The following MSANTD3 variants were observed in gnomAD, a reference collection of about 807,000 sequenced individuals.
The protein encoded by MSANTD3 is myb/SANT-like DNA-binding domain-containing protein 3.
MSANTD3 carries 11 observed loss-of-function variants against 27.7 expected under a neutral mutation model. The observed-to-expected ratio is 0.40, with a 90% CI of 0.25 to 0.66. The LOEUF is 0.66. Ranked by LOEUF, MSANTD3 falls within the 30% of genes least tolerant of loss-of-function variation. The pLI, the probability that MSANTD3 is intolerant of heterozygous loss-of-function variation, is 0.41. For synonymous variants in MSANTD3, 131 were observed against 127.2 expected (o/e 1.03, Z -0.20); for missense variants, 250 against 336.5 (o/e 0.74, Z 2.01).
chr9:100,440,589 A>AT (rs1836589689), intron 1 of MSANTD3, among the ~76,000 whole-genome samples: 1 of 139,980 alleles, frequency 7.1e-6, no homozygotes. Context: ...GAAAACGTCA[A>AT]ATTTTTTTTT....
At chr9:100,429,452 A>G (rs1453342874) in intron 1 of MSANTD3, 1 of 152,230 alleles carries the variant, frequency 6.6e-6, no homozygotes, top group African/African-American at 2.4e-5. Context: ...GTGCTGAGTC[A>G]TATGTTACAT....
chr9:100,447,822 A>G (rs910330434), intron 2 of MSANTD3, among the ~76,000 whole-genome samples: 1 of 152,250 alleles, frequency 6.6e-6, no homozygotes, highest in Non-Finnish European at 1.5e-5. Context: ...AGTAGGTGCT[A>G]TCATCATCAT....
chr9:100,434,723 T>C (rs1032445430), intron 1 of MSANTD3, among the ~76,000 whole-genome samples: 1 of 152,188 alleles, frequency 6.6e-6, no homozygotes, highest in African/African-American at 2.4e-5. Context: ...AGTGAACCTC[T>C]TCCCTCTTCT....
intron 2 of MSANTD3, among the ~76,000 whole-genome samples, chr9:100,449,727 G>T (rs1836840317): frequency 6.6e-6 from 1 of 152,098 alleles, no homozygotes; most frequent in East Asian, 1.9e-4. Flanking sequence ...GTTTACTTAG[G>T]GCAGATAAGA....
At chr9:100,448,111 A>T in intron 2 of MSANTD3, 1 of 651,228 alleles carries the variant, frequency 1.5e-6, no homozygotes, top group Non-Finnish European at 1.9e-6. Flanking sequence ...GGGTCACTTG[A>T]ATCTGGGAGC....
chr9:100,428,635 C>G (rs1836296570), intron 1 of MSANTD3, among the ~76,000 whole-genome samples: 1 of 152,076 alleles, frequency 6.6e-6, no homozygotes, highest in African/African-American at 2.4e-5. Context: ...TAGGTTGTCT[C>G]TTTTTACTCC....
In MSANTD3 at chr9:100,427,154, C is replaced by G. The variant is rs963435547; in HGVS notation, c.-273C>G. The stretch of plus-strand genomic sequence containing the variant: ...GCGCTCCCGCCCTCCTCGGCGGCGC[C>G]GACGGACCGGCAGGCGGCGGGCGGT... On this transcript the variant is annotated 5_prime_UTR_variant, in exon 1 of 3. Transcript: ENST00000395067. 2 of 148,126 alleles carry G rather than the reference C, an allele frequency of 1.4e-5. No homozygotes were observed. Among genetic ancestry groups the G allele is most frequent in the African/African-American group, 4.9e-5 (2 of 40,980 alleles). 9.2% of individuals were successfully genotyped at this position (148,126 alleles called of 1,614,324 possible).
chr9:100,448,413 A>C, intron 2 of MSANTD3: 1 of 985,354 alleles, frequency 1.0e-6, no homozygotes, highest in African/African-American at 1.7e-5. Context: ...GAAACAGGTG[A>C]GGTAATGCTC....
At chr9:100,436,901 T>C (rs1444855321) in intron 1 of MSANTD3, among the ~76,000 whole-genome samples, 1 of 151,994 alleles carries the variant, frequency 6.6e-6, no homozygotes, top group Non-Finnish European at 1.5e-5. Flanking sequence ...GCCTCCCAGG[T>C]TCAAATGATT....
chr9:100,436,172 G>A (rs1334342487), intron 1 of MSANTD3, among the ~76,000 whole-genome samples: 2 of 152,084 alleles, frequency 1.3e-5, no homozygotes, highest in African/African-American at 4.8e-5. Flanking sequence ...GGGTCTCACT[G>A]TGTTGTCCAG....
chr9:100,431,301 C>CTTT (rs34098873), intron 1 of MSANTD3, among the ~76,000 whole-genome samples: 2 of 128,614 alleles, frequency 1.6e-5, no homozygotes, highest in East Asian at 2.3e-4. Flanking sequence ...CATGCCTAGC[C>CTTT]TTTTTTTTTT....
rs777669242 is a variant in MSANTD3, at chr9:100,438,359, C to G, written c.-33-3547C>G. Among the ~76,000 whole-genome samples, 3 of 152,182 alleles carry G rather than the reference C, an allele frequency of 2.0e-5. No individual in the cohort carries two copies. The South Asian group carries it at 6.2e-4, about 32-fold the overall frequency. Reference sequence around the variant, plus strand: ...TAACATAAGTCTTAAGTGTTTTTATCTTTTGGTGGAGAAGTCCTAGGAATT... The same window carrying G: ...TAACATAAGTCTTAAGTGTTTTTATGTTTTGGTGGAGAAGTCCTAGGAATT... On this transcript the variant is annotated intron_variant, in intron 1 of 2. Coordinates refer to ENST00000395067, the MANE Select transcript of MSANTD3 (RefSeq NM_080655.3).
At chr9:100,442,808 CAAAAA>C (rs59051169) in intron 2 of MSANTD3, among the ~76,000 whole-genome samples, 10 of 55,882 alleles carry the variant, frequency 1.8e-4, no homozygotes, top group Non-Finnish European at 3.2e-4. Flanking sequence ...GACCCTGTCT[CAAAAA>C]AAAAAAAAAA....
At chr9:100,436,543 A>C (rs1836481791) in intron 1 of MSANTD3, among the ~76,000 whole-genome samples, 1 of 152,210 alleles carries the variant, frequency 6.6e-6, no homozygotes, top group African/African-American at 2.4e-5. Flanking sequence ...GGGGACAGGG[A>C]AGTCCAGTCT....
In MSANTD3 at chr9:100,442,308, A is replaced by G. The variant is rs2118231556; in HGVS notation, c.370A>G (p.Ser124Gly). The G allele has an allele frequency of 6.2e-7, 1 of 1,613,934 alleles. No individual in the cohort carries two copies. Among genetic ancestry groups the G allele is most frequent in the Admixed American group, 1.7e-5 (1 of 60,010 alleles). Residue 124 changes from serine to glycine, a missense_variant, in exon 2 of 3, where the codon AGC (serine) becomes GGC (glycine). Transcript: ENST00000395067. The part of the protein sequence containing the change: ...MLPEQLYFLQ[S>G]PPEEEPEYHP... ...GCCGGAGCAGCTCTACTTCCTGCAG[A>G]GCCCCCCGGAGGAGGAGCCCGAATA...
At chr9:100,448,328 G>GAGACT in intron 2 of MSANTD3, 1 of 985,040 alleles carries the variant, frequency 1.0e-6, no homozygotes, top group Non-Finnish European at 1.2e-6. Flanking sequence ...AAAGAGAAAA[G>GAGACT]AGACTAGAAG....
rs1297562286 is a variant in MSANTD3, at chr9:100,445,312, CTTTCTA to C, written c.418+2963_418+2968del. 5 of 898,916 alleles carry C rather than the reference CTTTCTA, an allele frequency of 5.6e-6. No homozygotes were observed. In the Admixed American group the frequency reaches 9.9e-5, roughly 18 times the overall value. The allele number at this position is 898,916 out of a possible 1,614,324, so 55.7% of individuals were successfully genotyped here. On this transcript the variant is annotated intron_variant, in intron 2 of 2. Transcript: ENST00000395067. ...GACATAAGGAATGTGTGTGTGTGATCTTTCTATTTCTAACACTGTGCTGTCTAATAC... is the reference window on the plus strand; with the variant it reads ...GACATAAGGAATGTGTGTGTGTGATCTTTCTAACACTGTGCTGTCTAATAC...
At chr9:100,443,862 G>A (rs1836689833) in intron 2 of MSANTD3, among the ~76,000 whole-genome samples, 1 of 152,188 alleles carries the variant, frequency 6.6e-6, no homozygotes, top group African/African-American at 2.4e-5. Flanking sequence ...GATGTTTCCT[G>A]GTGGGGGACA....
intron 2 of MSANTD3, among the ~76,000 whole-genome samples, chr9:100,449,665 G>T (rs933210957): frequency 1.3e-5 from 2 of 152,146 alleles, no homozygotes; most frequent in African/African-American, 2.4e-5. Flanking sequence ...GGTGAACAGG[G>T]CATTTGGAAG....
Sources: gnomAD v4.1 joint callset for allele counts (sites outside exome capture counted in the v4.1 genomes callset) on GRCh38, gnomAD v4.1.1 for gene constraint, MANE v1.5 for transcripts, NCBI Gene and HGNC (gene_info 2026-07-23, HGNC 2026-07-21) for gene names.